RGS6: variants seen among roughly 807,000 people sequenced by gnomAD.
RGS6 encodes regulator of G-protein signaling 6.
Under a neutral mutation model 78.5 loss-of-function variants are expected in RGS6, and 30 were observed. The observed-to-expected ratio is 0.38, with a 90% CI of 0.29 to 0.52. The LOEUF (loss-of-function observed/expected upper bound fraction) is 0.52. Ranked by LOEUF, RGS6 falls within the 20% of genes least tolerant of loss-of-function variation. The pLI is 0.85. For synonymous variants in RGS6, 206 were observed against 206.0 expected, an observed-to-expected ratio of 1.00 and a Z score of 0.00; for missense variants, 495 against 609.7, an observed-to-expected ratio of 0.81 and a Z score of 1.98.
chr14:72,453,018 G>A (rs1486840773), intron 3 of RGS6, among the ~76,000 whole-genome samples: 2 of 152,212 alleles, frequency 1.3e-5, no homozygotes, highest in Non-Finnish European at 2.9e-5. Context: ...TGCACTTGGA[G>A]GGAGGACGTC....
chr14:72,144,576 T>C (rs537629581), intron 2 of RGS6, among the ~76,000 whole-genome samples: 1 of 152,210 alleles, frequency 6.6e-6, no homozygotes, highest in African/African-American at 2.4e-5. Context: ...AAAATCTATT[T>C]GGAGCAAGGT....
At chr14:72,541,238 G>T in intron 17 of RGS6, 3 of 1,441,446 alleles carry the variant, frequency 2.1e-6, no homozygotes, top group Admixed American at 4.3e-5. Context: ...CTGTGTGACT[G>T]GTATACGTAT....
chr14:72,027,182 G>A (rs1042515275), intron 2 of RGS6, among the ~76,000 whole-genome samples: 2 of 151,922 alleles, frequency 1.3e-5, no homozygotes, highest in African/African-American at 4.8e-5. Context: ...GGGGAGGCAG[G>A]AAACCACCCA....
At chr14:72,176,289 C>T (rs1030151701) in intron 2 of RGS6, among the ~76,000 whole-genome samples, 4 of 152,176 alleles carry the variant, frequency 2.6e-5, no homozygotes, top group Non-Finnish European at 5.9e-5. Flanking sequence ...TCCCACCCCT[C>T]ATTGGGGGAG....
the RGS6 span, among the ~76,000 whole-genome samples, chr14:71,919,722 G>A: frequency 7.9e-5 from 12 of 152,198 alleles, no homozygotes; most frequent in South Asian, 8.3e-4. Flanking sequence ...AGCTGGGCGC[G>A]GTGGCTCACA....
At chr14:72,415,635 C>T (rs2093752077) in intron 3 of RGS6, among the ~76,000 whole-genome samples, 1 of 152,236 alleles carries the variant, frequency 6.6e-6, no homozygotes, top group Admixed American at 6.5e-5. Context: ...GCTGGTCATG[C>T]TGGGAGCTGT....
chr14:72,432,634 G>A (rs998004455), intron 3 of RGS6, among the ~76,000 whole-genome samples: 2 of 152,190 alleles, frequency 1.3e-5, no homozygotes, highest in Non-Finnish European at 2.9e-5. Flanking sequence ...GTTAGTCCTT[G>A]CTCCTGTCCA....
intron 3 of RGS6, among the ~76,000 whole-genome samples, chr14:72,422,384 ATATT>A (rs1217098693): frequency 6.6e-6 from 1 of 152,246 alleles, no homozygotes; most frequent in Admixed American, 6.5e-5. Context: ...ATAAAGTAGT[ATATT>A]TATTATAAGT....
intron 2 of RGS6, among the ~76,000 whole-genome samples, chr14:72,265,540 C>A (rs373883933): frequency 5.9e-5 from 9 of 152,106 alleles, no homozygotes; most frequent in Non-Finnish European, 1.0e-4. Flanking sequence ...TTAGTAGTGA[C>A]GTTGCTAGAG....
chr14:72,383,322 C>T (rs1319062634), intron 3 of RGS6, among the ~76,000 whole-genome samples: 1 of 151,516 alleles, frequency 6.6e-6, no homozygotes. Context: ...AACACATTTA[C>T]TTGCAGAAGA....
intron 12 of RGS6, among the ~76,000 whole-genome samples, chr14:72,484,334 G>A (rs2096447064): frequency 6.6e-6 from 1 of 152,124 alleles, no homozygotes; most frequent in South Asian, 2.1e-4. Context: ...TGTTTTCCTG[G>A]ATAGTAGTTT....
At chr14:71,932,330 G>A (rs1594822323), upstream of RGS6, 2 of 151,290 alleles carry the variant, frequency 1.3e-5, no homozygotes, top group Admixed American at 1.3e-4. Context: ...AGGTGCCGGG[G>A]CCCAGGTGCC....
the RGS6 span, among the ~76,000 whole-genome samples, chr14:72,615,269 A>T: frequency 6.6e-6 from 1 of 152,100 alleles, no homozygotes; most frequent in Non-Finnish European, 1.5e-5. Flanking sequence ...ACACAGACCC[A>T]AAGAGGAGAC....
chr14:71,869,074 A>G, the RGS6 span, among the ~76,000 whole-genome samples: 6 of 151,996 alleles, frequency 3.9e-5, no homozygotes, highest in Non-Finnish European at 7.4e-5. Flanking sequence ...GCTCACTCTT[A>G]CTTCCCTGGG....
At chr14:72,352,531 G>T (rs1226074994) in intron 3 of RGS6, among the ~76,000 whole-genome samples, 1 of 152,190 alleles carries the variant, frequency 6.6e-6, no homozygotes, top group African/African-American at 2.4e-5. Flanking sequence ...AGGTTTTTAA[G>T]AAAGTGTTAT....
intron 2 of RGS6, among the ~76,000 whole-genome samples, chr14:72,057,200 G>C (rs2093657585): frequency 1.3e-5 from 2 of 151,098 alleles, no homozygotes; most frequent in Admixed American, 6.6e-5. Flanking sequence ...TGTAATCCCA[G>C]CTTCTTGGGA....
chr14:72,278,353 A>G (rs1488751963), intron 2 of RGS6, among the ~76,000 whole-genome samples: 2 of 152,208 alleles, frequency 1.3e-5, no homozygotes. Context: ...GAGGCAGATG[A>G]GAAGAGAACC....
At chr14:72,061,225 C>T (rs1270909049) in intron 2 of RGS6, among the ~76,000 whole-genome samples, 1 of 152,108 alleles carries the variant, frequency 6.6e-6, no homozygotes, top group Non-Finnish European at 1.5e-5. Context: ...TTTTCTGGGT[C>T]CTTAATTGAC....
At chr14:71,965,748 G>A (rs1468553659) in intron 2 of RGS6, among the ~76,000 whole-genome samples, 2 of 152,166 alleles carry the variant, frequency 1.3e-5, no homozygotes, top group African/African-American at 2.4e-5. Context: ...TCAAGATAGA[G>A]CGGAGGCTCT....
Sources: allele counts gnomAD v4.1 joint callset (sites outside exome capture counted in the v4.1 genomes callset), GRCh38; gene constraint gnomAD v4.1.1; transcripts MANE v1.5; gene names NCBI Gene and HGNC (gene_info 2026-07-23, HGNC 2026-07-21).